UHRF2: variants seen among roughly 807,000 people sequenced by gnomAD.
The protein encoded by UHRF2 is E3 ubiquitin-protein ligase UHRF2.
A neutral mutation model predicts 96.8 loss-of-function variants in UHRF2; 23 were observed. That is an observed-to-expected ratio of 0.24 (90% CI 0.17 to 0.34). UHRF2 has a LOEUF of 0.34. Ranked by LOEUF, UHRF2 falls within the 10% of genes least tolerant of loss-of-function variation. The pLI is 1.00. For missense variants in UHRF2, 685 were observed against 981.5 expected, an observed-to-expected ratio of 0.70 and a Z score of 4.04; for synonymous variants, 385 against 332.6, an observed-to-expected ratio of 1.16 and a Z score of -1.72.
intron 3 of UHRF2, among the ~76,000 whole-genome samples, chr9:6,444,603 C>A (rs539527262): frequency 6.6e-6 from 1 of 152,014 alleles, no homozygotes; most frequent in Non-Finnish European, 1.5e-5. Context: ...CCTAAGAATC[C>A]GCTTTTTTTT....
chr9:6,480,451 G>A lies in UHRF2; in HGVS notation c.1161-1192G>A, dbSNP rs1280583498. On this transcript the variant is annotated intron_variant, in intron 6 of 15. Coordinates refer to ENST00000276893, the MANE Select transcript of UHRF2 (RefSeq NM_152896.3). ...GAAGGAGTGAATCAATCCCAGAGAT[G>A]ACTTTAGGATGGTATAATTAGAAGA... Among the ~76,000 whole-genome samples, 5 of 152,234 alleles carry A rather than the reference G, an allele frequency of 3.3e-5. No homozygotes were observed. In the East Asian group the frequency reaches 9.6e-4, roughly 29 times the overall value.
At chr9:6,467,523 G>A (rs1822942583) in intron 4 of UHRF2, among the ~76,000 whole-genome samples, 1 of 150,512 alleles carries the variant, frequency 6.6e-6, no homozygotes, top group Admixed American at 6.6e-5. Flanking sequence ...TTGCTGTTGT[G>A]TGCCAGGCCT....
chr9:6,465,887 T>C (rs974531028), intron 4 of UHRF2, among the ~76,000 whole-genome samples: 7 of 152,238 alleles, frequency 4.6e-5, no homozygotes, highest in Admixed American at 3.9e-4. Context: ...TGTCTAATTC[T>C]AGTTATCAAA....
intron 1 of UHRF2, among the ~76,000 whole-genome samples, chr9:6,416,845 A>G (rs778410470): frequency 7.2e-5 from 11 of 152,146 alleles, no homozygotes; most frequent in Non-Finnish European, 1.0e-4. Flanking sequence ...TTGAGAATCC[A>G]GAGCTTTTCC....
At chr9:6,493,409 G>A (rs1426903282) in intron 9 of UHRF2, among the ~76,000 whole-genome samples, 1 of 147,424 alleles carries the variant, frequency 6.8e-6, no homozygotes, top group Non-Finnish European at 1.5e-5. Context: ...TGGTGTAGAT[G>A]TCAGTTGGAA....
At chr9:6,487,660 C>T (rs1235876041) in intron 9 of UHRF2, among the ~76,000 whole-genome samples, 2 of 152,212 alleles carry the variant, frequency 1.3e-5, no homozygotes. Flanking sequence ...AGCCACCACA[C>T]CTGGTCAATT....
intron 2 of UHRF2, among the ~76,000 whole-genome samples, chr9:6,425,117 G>A (rs1363430770): frequency 6.6e-6 from 1 of 152,120 alleles, no homozygotes; most frequent in Non-Finnish European, 1.5e-5. Flanking sequence ...GAAAGTCACT[G>A]TACAGTCCAC....
intron 9 of UHRF2, among the ~76,000 whole-genome samples, chr9:6,488,547 T>C (rs1456189201): frequency 1.0e-4 from 14 of 137,268 alleles, no homozygotes; most frequent in African/African-American, 2.8e-4. Flanking sequence ...TTTCTTTTTT[T>C]TTTTTTTTTT....
intron 4 of UHRF2, among the ~76,000 whole-genome samples, chr9:6,470,166 A>C (rs781489797): frequency 6.6e-6 from 1 of 152,180 alleles, no homozygotes; most frequent in Non-Finnish European, 1.5e-5. Flanking sequence ...TGAGGTCAGG[A>C]ATTCAAGACC....
rs755808834 is a variant in UHRF2 at position 6,421,067 on chromosome 9, G to A, written c.309G>A (p.Pro103=). The A allele has an allele frequency of 3.0e-5, 48 of 1,614,022 alleles. No individual in the cohort carries two copies. In the African/African-American group the frequency reaches 4.1e-4, roughly 14 times the overall value. ...SNSPPKVKKA[P]RVGPSNQPST... Reference sequence around the variant, plus strand: ...GTCCACCTAAAGTAAAGAAAGCTCCGAGGGTAGGACCTTCCAATCAGCCAT... The same window carrying A: ...GTCCACCTAAAGTAAAGAAAGCTCCAAGGGTAGGACCTTCCAATCAGCCAT... Residue 103 remains proline, a synonymous_variant, in exon 2 of 16, where the codon CCG becomes CCA. Coordinates refer to ENST00000276893, the MANE Select transcript of UHRF2 (RefSeq NM_152896.3).
At chr9:6,443,655 A>T (rs1000071316) in intron 3 of UHRF2, among the ~76,000 whole-genome samples, 1 of 152,220 alleles carries the variant, frequency 6.6e-6, no homozygotes, top group Non-Finnish European at 1.5e-5. Flanking sequence ...ACCTGTATGT[A>T]CTTCTCTGTG....
At chr9:6,503,473 A>G (rs976986728) in intron 14 of UHRF2, among the ~76,000 whole-genome samples, 1 of 151,896 alleles carries the variant, frequency 6.6e-6, no homozygotes, top group African/African-American at 2.4e-5. Context: ...CAGGGTATCC[A>G]TTTGATCATG....
chr9:6,485,593 C>G (rs1167224210), intron 8 of UHRF2, among the ~76,000 whole-genome samples: 1 of 150,766 alleles, frequency 6.6e-6, no homozygotes, highest in Non-Finnish European at 1.5e-5. Flanking sequence ...CTAAAAGCTT[C>G]TAAAGTGCCT....
chr9:6,455,286 C>A (rs1313769275), intron 3 of UHRF2, among the ~76,000 whole-genome samples: 1 of 152,156 alleles, frequency 6.6e-6, no homozygotes, highest in African/African-American at 2.4e-5. Flanking sequence ...TATCCCTCCC[C>A]CCTCTCTCCA....
Position 6,499,888 on chromosome 9 carries a change from A to G in UHRF2, c.1962A>G (p.Ser654=). 6.2e-7 allele frequency: 1 copy of G among 1,611,788 alleles called. No individual in the cohort carries two copies. Among genetic ancestry groups the G allele is most frequent in the South Asian group, 1.1e-5 (1 of 90,964 alleles). ...DKEGKKPKGQ[S]KKQPSGTTKR... is the part of the protein sequence containing the mutation. ...AAGGGAAGAAGCCTAAAGGACAGTCAAAGAAGCAGCCCAGTGGAACCACAA... is the reference window on the plus strand; with the variant it reads ...AAGGGAAGAAGCCTAAAGGACAGTCGAAGAAGCAGCCCAGTGGAACCACAA... Residue 654 remains serine, a synonymous_variant, in exon 13 of 16, where the codon TCA becomes TCG. Transcript: ENST00000276893.
At chr9:6,483,205 A>G (rs565792816) in intron 8 of UHRF2, among the ~76,000 whole-genome samples, 2 of 151,910 alleles carry the variant, frequency 1.3e-5, no homozygotes, top group Non-Finnish European at 2.9e-5. Flanking sequence ...AGCGCCTATA[A>G]TACCAGCTAC....
Position 6,413,244 on chromosome 9 carries a change from T to C in UHRF2, c.-247T>C. 5.4e-6 allele frequency: 1 copy of C among 186,188 alleles called. No individual in the cohort carries two copies. The highest frequency in any genetic ancestry group is 1.5e-4 in the East Asian group (1 of 6,818). 11.5% of individuals were successfully genotyped at this position (186,188 alleles called of 1,614,324 possible). On this transcript the variant is annotated 5_prime_UTR_variant, in exon 1 of 16. Transcript: ENST00000276893. ...GCGCAGACATGGCCTCTTCCTATCTTTGAGGCGGTGTCTGCGGCAGCGCCT... is the reference window on the plus strand; with the variant it reads ...GCGCAGACATGGCCTCTTCCTATCTCTGAGGCGGTGTCTGCGGCAGCGCCT...
In UHRF2 at chr9:6,413,224, G is replaced by C. The variant is rs1050893101; in HGVS notation, c.-267G>C. 5.8e-6 allele frequency: 1 copy of C among 171,004 alleles called. No homozygotes were observed. Among genetic ancestry groups the C allele is most frequent in the Non-Finnish European group, 1.2e-5 (1 of 80,692 alleles). The allele number at this position is 171,004 out of a possible 1,614,324, so 10.6% of individuals were successfully genotyped here. A position where few individuals can be genotyped will look rare whatever the true frequency, so the allele number is the denominator to read the frequency against. On this transcript the variant is annotated 5_prime_UTR_variant, in exon 1 of 16. Coordinates refer to ENST00000276893, the MANE Select transcript of UHRF2 (RefSeq NM_152896.3). ...ATAAGTAAACACTCTGCGCGGCGCA[G>C]ACATGGCCTCTTCCTATCTTTGAGG...
At chr9:6,414,970 A>G (rs1819505554) in intron 1 of UHRF2, among the ~76,000 whole-genome samples, 1 of 152,232 alleles carries the variant, frequency 6.6e-6, no homozygotes, top group Non-Finnish European at 1.5e-5. Flanking sequence ...TAAATACTAC[A>G]TAGATTTGCT....
Sources: gnomAD v4.1 joint callset for allele counts (sites outside exome capture counted in the v4.1 genomes callset) on GRCh38, gnomAD v4.1.1 for gene constraint, MANE v1.5 for transcripts, NCBI Gene and HGNC (gene_info 2026-07-23, HGNC 2026-07-21) for gene names.